ANGPT1: variants seen among roughly 807,000 people sequenced by gnomAD.
ANGPT1 encodes angiopoietin-1.
A neutral mutation model predicts 62.2 loss-of-function variants in ANGPT1; 17 were observed. The ratio of observed to expected loss-of-function variants is 0.27; its 90% CI spans 0.19 to 0.41. The LOEUF is 0.41. ANGPT1 is among the 10% of genes least tolerant of loss of function. ANGPT1 has a pLI of 1.00. For missense variants in ANGPT1, 478 were observed against 594.9 expected (o/e 0.80, Z 2.04); for synonymous variants, 199 against 198.9 (o/e 1.00, Z 0.00).
intron 1 of ANGPT1, among the ~76,000 whole-genome samples, chr8:107,482,168 G>T (rs1479886927): frequency 6.6e-6 from 1 of 152,056 alleles, no homozygotes; most frequent in African/African-American, 2.4e-5. Context: ...TTTCTTCCAT[G>T]AATTTTTTGA....
chr8:107,375,192 T>C (rs1421767545), intron 1 of ANGPT1, among the ~76,000 whole-genome samples: 9 of 151,748 alleles, frequency 5.9e-5, no homozygotes, highest in Admixed American at 5.9e-4. Flanking sequence ...CGAAAAAAAC[T>C]ATCAGGATAA....
At chr8:107,314,062 C>G (rs1814951147) in intron 4 of ANGPT1, among the ~76,000 whole-genome samples, 1 of 152,130 alleles carries the variant, frequency 6.6e-6, no homozygotes. Flanking sequence ...TGTTTTGTCC[C>G]TGGTTTAGAA....
chr8:107,450,778 A>G (rs1322047976), intron 1 of ANGPT1, among the ~76,000 whole-genome samples: 6 of 151,290 alleles, frequency 4.0e-5, no homozygotes, highest in Non-Finnish European at 8.9e-5. Flanking sequence ...AGCAGGAAAT[A>G]ATAGATATTA....
chr8:107,385,496 GCTGAAGTTGTT>G (rs1313170054), intron 1 of ANGPT1, among the ~76,000 whole-genome samples: 7 of 152,026 alleles, frequency 4.6e-5, no homozygotes, highest in African/African-American at 1.7e-4. Flanking sequence ...CTGAAACTTT[GCTGAAGTTGTT>G]TATCAGATCT....
intron 1 of ANGPT1, among the ~76,000 whole-genome samples, chr8:107,376,474 G>T (rs1816532542): frequency 6.6e-6 from 1 of 152,170 alleles, no homozygotes. Context: ...GAAAGGAATT[G>T]CTATTAGAAA....
rs5893860 is a variant in ANGPT1 at position 107,409,719 on chromosome 8, CT to C, written c.298-62623del. On this transcript the variant is annotated intron_variant, in intron 1 of 8. Transcript: ENST00000517746. ...ATGGTCATTTTCATATGAAAAATGC[CT>C]TTTTTTTTTGAAGACTTTTCTGAAG... Among the ~76,000 whole-genome samples the C allele has an allele frequency of 8.5e-3, 1,266 of 149,316 alleles. 15 individuals are homozygous for C. Among genetic ancestry groups the C allele is most frequent in the African/African-American group, 0.025 (1,015 of 40,712 alleles).
chr8:107,266,660 T>C (rs189336999), intron 7 of ANGPT1, among the ~76,000 whole-genome samples: 210 of 152,306 alleles, frequency 1.4e-3, no homozygotes, highest in African/African-American at 4.8e-3. Flanking sequence ...GTAATGGCCT[T>C]CCTTTTTACG....
At chr8:107,276,780 G>C (rs1304330516) in intron 7 of ANGPT1, among the ~76,000 whole-genome samples, 1 of 152,078 alleles carries the variant, frequency 6.6e-6, no homozygotes, top group Non-Finnish European at 1.5e-5. Flanking sequence ...TCATGTCTCT[G>C]GATTCCCGAT....
chr8:107,450,936 A>C (rs957394426), intron 1 of ANGPT1, among the ~76,000 whole-genome samples: 3 of 151,842 alleles, frequency 2.0e-5, no homozygotes, highest in Non-Finnish European at 4.4e-5. Flanking sequence ...ATTATATTGC[A>C]GATGAGGCAA....
rs1219874205 is a variant in ANGPT1 at position 107,497,303 on chromosome 8, G to T, written c.256C>A (p.Leu86Met). 2 of 1,614,220 alleles carry T rather than the reference G, an allele frequency of 1.2e-6. No individual in the cohort carries two copies. The highest frequency in any genetic ancestry group is 3.3e-5 in the Admixed American group (2 of 60,032). ...PDFSSQKLQH[L>M]EHVMENYTQW... ...GTATAATTTTCCATCACATGTTCCA[G>T]ATGTTGAAGTTTCTGGGAAGAGAAA... The change falls in exon 1 of 9, where the codon CTG becomes ATG. Residue 86 changes from leucine (L) to methionine (M), a missense_variant. This residue lies in a region of ANGPT1 where 343 missense variants were observed against 355.4 expected (regional missense o/e 0.97). Coordinates refer to ENST00000517746, the MANE Select transcript of ANGPT1 (RefSeq NM_001146.5).
intron 1 of ANGPT1, among the ~76,000 whole-genome samples, chr8:107,457,728 T>G (rs1283718): frequency 0.084 from 12,716 of 151,644 alleles, 584 homozygotes; most frequent in South Asian, 0.14. Flanking sequence ...CAGAAACGAG[T>G]AGTTAGTTTC....
chr8:107,402,867 G>T (rs1371904394), intron 1 of ANGPT1, among the ~76,000 whole-genome samples: 2 of 152,114 alleles, frequency 1.3e-5, no homozygotes, highest in Non-Finnish European at 1.5e-5. Context: ...ACACTACTAA[G>T]AATTTATTTC....
intron 1 of ANGPT1, among the ~76,000 whole-genome samples, chr8:107,482,366 T>C (rs1812709536): frequency 6.6e-6 from 1 of 152,158 alleles, no homozygotes; most frequent in African/African-American, 2.4e-5. Flanking sequence ...CCAGAAAGCT[T>C]TGAAGGCTCA....
intron 8 of ANGPT1, among the ~76,000 whole-genome samples, chr8:107,257,849 T>C (rs1813393187): frequency 6.9e-6 from 1 of 145,718 alleles, no homozygotes; most frequent in Admixed American, 6.9e-5. Flanking sequence ...TCTTAATATA[T>C]CCTCTTCAGG....
At chr8:107,312,685 G>C (rs1319831463) in intron 4 of ANGPT1, among the ~76,000 whole-genome samples, 1 of 152,172 alleles carries the variant, frequency 6.6e-6, no homozygotes, top group African/African-American at 2.4e-5. Context: ...GTTATTAGGA[G>C]TGACACAAAA....
chr8:107,488,595 T>TA (rs1438939614), intron 1 of ANGPT1, among the ~76,000 whole-genome samples: 2 of 152,232 alleles, frequency 1.3e-5, no homozygotes, highest in African/African-American at 4.8e-5. Context: ...AGTTATTAAA[T>TA]ATTCAACTTA....
In ANGPT1 at chr8:107,303,236, T is replaced by A. The variant is rs1216126118; in HGVS notation, c.936+4A>T. 1 of 1,609,394 alleles carries A rather than the reference T, an allele frequency of 6.2e-7. No individual in the cohort carries two copies. Among genetic ancestry groups the A allele is most frequent in the Non-Finnish European group, 8.5e-7 (1 of 1,177,400 alleles). On this transcript the variant is annotated splice_donor_region_variant and intron_variant, in intron 5 of 8. Coordinates refer to ENST00000517746, the MANE Select transcript of ANGPT1 (RefSeq NM_001146.5). ...ATCTTGTAAACAAACACTTCTGGTT[T>A]TACCTTTTTGGGTTCTGGCATATTA...
chr8:107,335,086 T>C (rs1815528678), intron 3 of ANGPT1, among the ~76,000 whole-genome samples: 1 of 152,202 alleles, frequency 6.6e-6, no homozygotes. Context: ...TTTTAGTTTG[T>C]AGATAATATG....
rs529786032 is a variant in ANGPT1, at chr8:107,436,752, T to A, written c.297+60510A>T. Among the ~76,000 whole-genome samples the A allele has an allele frequency of 2.0e-5, 3 of 152,332 alleles. No homozygotes were observed. In the East Asian group the frequency reaches 5.8e-4, roughly 29 times the overall value. ...AGATTCTGTGCTCATTTTATGTCAATCATCCATTTCTTCAATGGAATGTCT... is the reference window on the plus strand; with the variant it reads ...AGATTCTGTGCTCATTTTATGTCAAACATCCATTTCTTCAATGGAATGTCT... On this transcript the variant is annotated intron_variant, in intron 1 of 8. Coordinates refer to ENST00000517746, the MANE Select transcript of ANGPT1 (RefSeq NM_001146.5).
Sources: gnomAD v4.1 joint callset for allele counts (sites outside exome capture counted in the v4.1 genomes callset) on GRCh38, gnomAD v4.1.1 for gene constraint, gnomAD v4.1.1 regional missense constraint, MANE v1.5 for transcripts, NCBI Gene and HGNC (gene_info 2026-07-23, HGNC 2026-07-21) for gene names.